ADAMTS14: variants seen among roughly 807,000 people sequenced by gnomAD.
ADAMTS14 encodes A disintegrin and metalloproteinase with thrombospondin motifs 14.
A neutral mutation model predicts 128.6 loss-of-function variants in ADAMTS14; 100 were observed. That is an observed-to-expected ratio of 0.78 (90% CI 0.66 to 0.92). ADAMTS14 has a LOEUF of 0.92. Ranked by LOEUF, ADAMTS14 falls within the 40% of genes least tolerant of loss-of-function variation. The probability of loss-of-function intolerance (pLI) is 0.00; values close to 1 mark genes in which losing one functional copy is unlikely to be tolerated. For synonymous variants in ADAMTS14, 665 were observed against 653.8 expected (o/e 1.02, Z -0.26); for missense variants, 1,562 against 1,658.6 (o/e 0.94, Z 1.01).
chr10:70,758,384 T>A, intron 21 of ADAMTS14, 99 bp downstream of exon 21: 1 of 1,075,786 alleles, frequency 9.3e-7, no homozygotes. Flanking sequence ...AGCTTGTAGC[T>A]GTCTGTGTGA....
intron 4 of ADAMTS14, among the ~76,000 whole-genome samples, chr10:70,710,589 A>G (rs1840820344): frequency 6.6e-6 from 1 of 152,252 alleles, no homozygotes; most frequent in Non-Finnish European, 1.5e-5. Flanking sequence ...GTGCTACGGC[A>G]CTAAGAGGAA....
intron 7 of ADAMTS14, 35 bp from the exon 8 acceptor site, chr10:70,733,850 G>T: frequency 6.3e-7 from 1 of 1,592,652 alleles, no homozygotes; most frequent in Non-Finnish European, 8.6e-7. Context: ...AGGCTCCTGG[G>T]ATGTATCAGG....
At chr10:70,701,844 A>G (rs1840502140) in intron 2 of ADAMTS14, among the ~76,000 whole-genome samples, 1 of 152,290 alleles carries the variant, frequency 6.6e-6, no homozygotes, top group Middle Eastern at 3.4e-3. Flanking sequence ...AGTGGGGGAC[A>G]AACACGCACC....
intron 2 of ADAMTS14, among the ~76,000 whole-genome samples, chr10:70,688,086 G>A (rs1840042779): frequency 2.1e-5 from 1 of 47,850 alleles, no homozygotes; most frequent in African/African-American, 7.8e-5. Flanking sequence ...CAGCTGCCGG[G>A]CGGAGGGGCT....
chr10:70,723,915 T>G (rs1841348780), intron 4 of ADAMTS14, among the ~76,000 whole-genome samples: 1 of 152,258 alleles, frequency 6.6e-6, no homozygotes, highest in Non-Finnish European at 1.5e-5. Flanking sequence ...CACAGAAATC[T>G]GAGTTCAACT....
At chr10:70,741,311 C>G in intron 12 of ADAMTS14, 149 bp downstream of exon 12, 1 of 907,278 alleles carries the variant, frequency 1.1e-6, no homozygotes, top group South Asian at 1.7e-5. Context: ...TCAGCGGGCT[C>G]ACCATATACC....
intron 11 of ADAMTS14, among the ~76,000 whole-genome samples, chr10:70,739,566 T>C (rs899148497): frequency 1.3e-5 from 2 of 151,836 alleles, no homozygotes; most frequent in African/African-American, 4.8e-5. Context: ...TCCATCTCCA[T>C]CTCCAAGCAG....
intron 14 of ADAMTS14, among the ~76,000 whole-genome samples, chr10:70,744,463 C>T (rs906670257): frequency 6.6e-6 from 1 of 152,228 alleles, no homozygotes; most frequent in African/African-American, 2.4e-5. Context: ...GGAGCTCGGC[C>T]ATCCCTTGGA....
chr10:70,675,250 C>CT (rs1186040004), intron 2 of ADAMTS14, among the ~76,000 whole-genome samples: 2 of 152,188 alleles, frequency 1.3e-5, no homozygotes, highest in Admixed American at 6.5e-5. Context: ...GCTGGTGTTT[C>CT]TGAGTGCAGA....
intron 2 of ADAMTS14, among the ~76,000 whole-genome samples, chr10:70,682,688 G>T (rs1258791929): frequency 6.6e-6 from 1 of 152,190 alleles, no homozygotes; most frequent in Non-Finnish European, 1.5e-5. Flanking sequence ...GGTCTGAGGG[G>T]ATGGTGGCAG....
chr10:70,672,862 C>T lies in ADAMTS14; in HGVS notation c.60C>T (p.Ala20=), dbSNP rs767359550. ...YLLPLHCALC[A]AAGSRTPELH... is the part of the protein sequence containing the mutation. ...TGCCTTTGCACTGTGCGCTCTGCGC[C>T]GCCGCGGGCAGCCGGACCCCAGGTG... Residue 20 remains alanine (A), a synonymous_variant, in exon 1 of 22, where the codon GCC becomes GCT. Transcript: ENST00000373207. 1 of 1,503,612 alleles carries T rather than the reference C, an allele frequency of 6.7e-7. No homozygotes were observed. Among genetic ancestry groups the T allele is most frequent in the South Asian group, 1.3e-5 (1 of 79,774 alleles). 93.1% of individuals were successfully genotyped at this position (1,503,612 alleles called of 1,614,324 possible). A position where few individuals can be genotyped will look rare whatever the true frequency, so the allele number is the denominator to read the frequency against.
In ADAMTS14 at chr10:70,760,867, A is replaced by G. The variant is rs756991167; in HGVS notation, c.*14A>G. ...CCGGTGACATGAGCTGTGCCCTGCC[A>G]TCCCACTGGCACGTTTACACTCTGT... On this transcript the variant is annotated 3_prime_UTR_variant, in exon 22 of 22. Coordinates refer to ENST00000373207, the MANE Select transcript of ADAMTS14 (RefSeq NM_080722.4). 6.4e-7 allele frequency: 1 copy of G among 1,551,622 alleles called. No homozygotes were observed.
chr10:70,749,810 C>T lies in ADAMTS14; in HGVS notation c.2264-12C>T. 6.2e-7 allele frequency: 1 copy of T among 1,613,136 alleles called. No homozygotes were observed. The highest frequency in any genetic ancestry group is 8.5e-7 in the Non-Finnish European group (1 of 1,179,542). On this transcript the variant is annotated splice_polypyrimidine_tract_variant and intron_variant, in intron 15 of 21. Coordinates refer to ENST00000373207, the MANE Select transcript of ADAMTS14 (RefSeq NM_080722.4). ...GCAGAAATCTGTGTGACCCTCTCCC[C>T]CCACCGGTCAGTGGTGAAGAACCAG...
chr10:70,741,351 TG>T (rs1210373557), intron 12 of ADAMTS14, among the ~76,000 whole-genome samples, 189 bp downstream of exon 12: 1 of 152,218 alleles, frequency 6.6e-6, no homozygotes, highest in Non-Finnish European at 1.5e-5. Context: ...GGTATACTTC[TG>T]GGGTCATCAT....
intron 7 of ADAMTS14, among the ~76,000 whole-genome samples, chr10:70,733,536 G>T (rs1841715640): frequency 6.6e-6 from 1 of 152,228 alleles, no homozygotes; most frequent in African/African-American, 2.4e-5. Context: ...GGCTCCTGCT[G>T]TGGAGGTGAG....
intron 2 of ADAMTS14, among the ~76,000 whole-genome samples, chr10:70,683,552 G>A (rs1011573125): frequency 6.6e-6 from 1 of 152,214 alleles, no homozygotes; most frequent in Non-Finnish European, 1.5e-5. Flanking sequence ...AATTCCAGGA[G>A]GTGGGCAGCA....
At position 70,705,714 on chromosome 10, in the gene ADAMTS14, T is replaced by C. The variant is rs142284703; in HGVS notation, c.680-2874T>C. Among the ~76,000 whole-genome samples, 18 of 152,374 alleles carry C rather than the reference T, an allele frequency of 1.2e-4. No individual in the cohort carries two copies. The East Asian group carries it at 3.1e-3, about 26-fold the overall frequency. Reference sequence around the variant, plus strand: ...TCATGTGGTATGTGCCTTTGGTGCCTGGCTTCTTTCACTCAGCATGTTTTC... The same window carrying C: ...TCATGTGGTATGTGCCTTTGGTGCCCGGCTTCTTTCACTCAGCATGTTTTC... On this transcript the variant is annotated intron_variant, in intron 3 of 21. Coordinates refer to ENST00000373207, the MANE Select transcript of ADAMTS14 (RefSeq NM_080722.4).
chr10:70,741,012 T>C lies in ADAMTS14; in HGVS notation c.1774T>C (p.Leu592=). 1 of 1,614,146 alleles carries C rather than the reference T, an allele frequency of 6.2e-7. No homozygotes were observed. Among genetic ancestry groups the C allele is most frequent in the Non-Finnish European group, 8.5e-7 (1 of 1,180,020 alleles). Residue 592 remains leucine (L), a synonymous_variant, in exon 12 of 22, where the codon TTA becomes CTA. Transcript: ENST00000373207. ...CCCAGCCTATGGAGGCCGCCTGTGC[T>C]TAGGGCCCATGTTCGAGTACCAGGT... ...PSPAYGGRLC[L]GPMFEYQVCN...
rs968565675 is a variant in ADAMTS14 at position 70,732,182 on chromosome 10, C to G, written c.1103-72C>G. ...GCACTGACCAGAGGGCTGGGCTGGG[C>G]ACAGACCTCAGTGTGTCCTGCCTCA... On this transcript the variant is annotated intron_variant, in intron 6 of 21. Coordinates refer to ENST00000373207, the MANE Select transcript of ADAMTS14 (RefSeq NM_080722.4). The G allele has an allele frequency of 3.8e-6, 5 of 1,330,406 alleles. No homozygotes were observed. In the African/African-American group the frequency reaches 7.3e-5, roughly 19 times the overall value. The allele number at this position is 1,330,406 out of a possible 1,614,324, so 82.4% of individuals were successfully genotyped here.
Sources: gnomAD v4.1 joint callset for allele counts (sites outside exome capture counted in the v4.1 genomes callset) on GRCh38, gnomAD v4.1.1 for gene constraint, MANE v1.5 for transcripts, NCBI Gene and HGNC (gene_info 2026-07-23, HGNC 2026-07-21) for gene names.